DNAJC3: variants seen among roughly 807,000 people sequenced by gnomAD.
DNAJC3 encodes dnaJ homolog subfamily C member 3.
DNAJC3 carries 38 observed loss-of-function variants against 68.6 expected under a neutral mutation model. That is an observed-to-expected ratio of 0.55 (90% confidence interval 0.43 to 0.73). The LOEUF (loss-of-function observed/expected upper bound fraction) is 0.73, where lower values mean the gene tolerates loss of function less well. Among genes scored for constraint, DNAJC3 ranks in the 30% least tolerant of loss-of-function variants. The pLI is 0.00. For synonymous variants in DNAJC3, 203 were observed against 204.0 expected, an observed-to-expected ratio of 1.00 and a Z score of 0.04; for missense variants, 526 against 591.9, an observed-to-expected ratio of 0.89 and a Z score of 1.16.
In DNAJC3 at chr13:95,722,312, C is replaced by T. The variant is rs140045098; in HGVS notation, c.194-930C>T. Among the ~76,000 whole-genome samples, 161 of 152,276 alleles carry T rather than the reference C, an allele frequency of 1.1e-3. 1 individual carries two copies. The highest frequency in any genetic ancestry group is 3.7e-3 in the African/African-American group (155 of 41,540). ...GTACCTTTATTTCTTCACCTCCATT[C>T]TAGTTGGAGTTTGTGAGGGAGCAGA... On this transcript the variant is annotated intron_variant, in intron 2 of 11. Coordinates refer to ENST00000602402, the MANE Select transcript of DNAJC3 (RefSeq NM_006260.5).
chr13:95,755,129 C>T (rs1882611673), intron 4 of DNAJC3, among the ~76,000 whole-genome samples: 1 of 151,900 alleles, frequency 6.6e-6, no homozygotes, highest in African/African-American at 2.4e-5. Flanking sequence ...TGAGAGGAGT[C>T]AACAGCCTCA....
At chr13:95,711,142 T>G (rs1452028506) in intron 2 of DNAJC3, among the ~76,000 whole-genome samples, 2 of 152,144 alleles carry the variant, frequency 1.3e-5, no homozygotes, top group Admixed American at 6.5e-5. Flanking sequence ...ATTCAGATTT[T>G]TATTAAACTC....
chr13:95,730,550 T>C (rs1227320912), intron 4 of DNAJC3, among the ~76,000 whole-genome samples: 1 of 152,184 alleles, frequency 6.6e-6, no homozygotes, highest in African/African-American at 2.4e-5. Context: ...CACAGCACCA[T>C]TTATTGAAGA....
intron 4 of DNAJC3, among the ~76,000 whole-genome samples, chr13:95,754,561 CA>C (rs1882592957): frequency 6.6e-6 from 1 of 152,084 alleles, no homozygotes; most frequent in Non-Finnish European, 1.5e-5. Context: ...AAAGGCCAGG[CA>C]TGGGCTGGGT....
chr13:95,692,270 G>C (rs1229213146), intron 1 of DNAJC3, among the ~76,000 whole-genome samples: 1 of 152,180 alleles, frequency 6.6e-6, no homozygotes, highest in Non-Finnish European at 1.5e-5. Flanking sequence ...AGAATGTTCT[G>C]TAAATGTCTA....
intron 1 of DNAJC3, among the ~76,000 whole-genome samples, chr13:95,705,451 A>T (rs1880707044): frequency 6.6e-6 from 1 of 151,836 alleles, no homozygotes; most frequent in African/African-American, 2.4e-5. Flanking sequence ...TACAAAGGGG[A>T]GTGACAAGAA....
In DNAJC3 at chr13:95,760,110, A is replaced by G; in HGVS notation, c.617A>G (p.Lys206Arg). ...TTTATAAAAGAAGGAGAACCTAGGAAAGCTATAAGTGACTTAAAAGCTGCG... is the reference window on the plus strand; with the variant it reads ...TTTATAAAAGAAGGAGAACCTAGGAGAGCTATAAGTGACTTAAAAGCTGCG... ...ECFIKEGEPRKAISDLKAASK... is the reference protein window; with the variant it reads ...ECFIKEGEPRRAISDLKAASK... Residue 206 changes from lysine (K) to arginine (R), a missense_variant, in exon 6 of 12, where the codon AAA becomes AGA. Physicochemically the swap from Lys to Arg is conservative, Grantham distance 26. Coordinates refer to ENST00000602402, the MANE Select transcript of DNAJC3 (RefSeq NM_006260.5). 1 of 1,612,516 alleles carries G rather than the reference A, an allele frequency of 6.2e-7. No individual in the cohort carries two copies. Among genetic ancestry groups the G allele is most frequent in the Non-Finnish European group, 8.5e-7 (1 of 1,179,150 alleles).
chr13:95,768,246 T>G (rs749544206), intron 9 of DNAJC3, among the ~76,000 whole-genome samples: 4 of 152,236 alleles, frequency 2.6e-5, no homozygotes, highest in Non-Finnish European at 5.9e-5. Context: ...GAATAGTACT[T>G]ATCTCCTAGA....
At chr13:95,689,227 G>C (rs1189033328) in intron 1 of DNAJC3, among the ~76,000 whole-genome samples, 7 of 148,652 alleles carry the variant, frequency 4.7e-5, no homozygotes, top group Admixed American at 4.7e-4. Flanking sequence ...TCTGTCCTGG[G>C]CTTTTTTTTT....
chr13:95,786,698 T>C (rs1883612293), intron 10 of DNAJC3, among the ~76,000 whole-genome samples: 1 of 152,220 alleles, frequency 6.6e-6, no homozygotes, highest in Admixed American at 6.5e-5. Context: ...AATTGAATTA[T>C]GGTAACTTGG....
At chr13:95,710,874 A>T (rs1375914706) in intron 2 of DNAJC3, among the ~76,000 whole-genome samples, 3 of 151,884 alleles carry the variant, frequency 2.0e-5, no homozygotes, top group Non-Finnish European at 1.5e-5. Flanking sequence ...TTTTTTTAAT[A>T]GAAACTGGGT....
chr13:95,780,660 C>A (rs774920365), intron 9 of DNAJC3, among the ~76,000 whole-genome samples: 1 of 152,144 alleles, frequency 6.6e-6, no homozygotes, highest in Non-Finnish European at 1.5e-5. Context: ...TGATATGTTT[C>A]TTTTGTGTGA....
At position 95,785,911 on chromosome 13, in the gene DNAJC3, C is replaced by T. The variant is rs771070168; in HGVS notation, c.1076-28C>T. 4 of 1,540,784 alleles carry T rather than the reference C, an allele frequency of 2.6e-6. No homozygotes were observed. In the East Asian group the frequency reaches 9.4e-5, roughly 36 times the overall value. The stretch of plus-strand genomic sequence containing the variant: ...GGCAATAAATTATAATTTGCCTTAA[C>T]AATATTATCTTAAACATATTTTGAC... On this transcript the variant is annotated intron_variant, in intron 9 of 11. Coordinates refer to ENST00000602402, the MANE Select transcript of DNAJC3 (RefSeq NM_006260.5).
intron 9 of DNAJC3, among the ~76,000 whole-genome samples, chr13:95,775,987 T>TA (rs1566512415): frequency 6.6e-6 from 1 of 150,704 alleles, no homozygotes; most frequent in African/African-American, 2.4e-5. Context: ...GATACTCTTT[T>TA]TATATATATA....
At chr13:95,714,507 T>G (rs1181062055) in intron 2 of DNAJC3, among the ~76,000 whole-genome samples, 1 of 152,192 alleles carries the variant, frequency 6.6e-6, no homozygotes. Flanking sequence ...AAAAACAGGT[T>G]TGCTATAATA....
At chr13:95,701,382 A>T (rs2139617340) in intron 1 of DNAJC3, among the ~76,000 whole-genome samples, 1 of 152,338 alleles carries the variant, frequency 6.6e-6, no homozygotes, top group East Asian at 1.9e-4. Context: ...CTATGAGGGA[A>T]ATCTTTTTCC....
At chr13:95,789,079 G>A (rs1226561305) in intron 11 of DNAJC3, among the ~76,000 whole-genome samples, 1 of 152,086 alleles carries the variant, frequency 6.6e-6, no homozygotes, top group Non-Finnish European at 1.5e-5. Flanking sequence ...CGAGACTTGG[G>A]ATTATTTTTA....
chr13:95,724,659 C>T (rs1485435984), intron 3 of DNAJC3, among the ~76,000 whole-genome samples: 4 of 152,160 alleles, frequency 2.6e-5, no homozygotes, highest in Non-Finnish European at 5.9e-5. Context: ...TACCTATTAG[C>T]GGTCACTCCC....
intron 9 of DNAJC3, among the ~76,000 whole-genome samples, chr13:95,778,383 T>G (rs1349852246): frequency 6.6e-6 from 1 of 152,216 alleles, no homozygotes; most frequent in African/African-American, 2.4e-5. Flanking sequence ...GTGAGTTATT[T>G]GCACGCCATT....
Sources: gnomAD v4.1 joint callset for allele counts (sites outside exome capture counted in the v4.1 genomes callset) on GRCh38, gnomAD v4.1.1 for gene constraint, MANE v1.5 for transcripts, NCBI Gene and HGNC (gene_info 2026-07-23, HGNC 2026-07-21) for gene names.